The following NOD1 variants were observed in gnomAD, a reference collection of about 807,000 sequenced individuals.
NOD1 encodes nucleotide binding oligomerization domain containing 1, also known as nucleotide-binding oligomerization domain-containing protein 1.
Under a neutral mutation model 81.2 loss-of-function variants are expected in NOD1, and 70 were observed. The observed-to-expected ratio is 0.86, with a 90% CI of 0.71 to 1.05. NOD1 has a LOEUF of 1.05. Among genes scored for constraint, NOD1 ranks in the 50% least tolerant of loss-of-function variants. The probability of loss-of-function intolerance (pLI) is 0.00; values close to 1 mark genes in which losing one functional copy is unlikely to be tolerated. For missense variants in NOD1, 1,233 were observed against 1,228.0 expected, an observed-to-expected ratio of 1.00 and a Z score of -0.06; for synonymous variants, 508 against 526.9, an observed-to-expected ratio of 0.96 and a Z score of 0.49.
intron 1 of NOD1, among the ~76,000 whole-genome samples, chr7:30,472,640 T>C (rs1195761756): frequency 1.3e-5 from 2 of 152,168 alleles, no homozygotes; most frequent in African/African-American, 2.4e-5. Flanking sequence ...GGGAGGTGAA[T>C]AGGTTTAAAT....
intron 1 of NOD1, among the ~76,000 whole-genome samples, chr7:30,473,070 C>T (rs919782132): frequency 6.6e-6 from 1 of 152,228 alleles, no homozygotes; most frequent in Non-Finnish European, 1.5e-5. Context: ...CAGCCTTCCA[C>T]ACCAGGGTAG....
At chr7:30,470,047 A>T (rs1788103826) in intron 1 of NOD1, among the ~76,000 whole-genome samples, 1 of 152,176 alleles carries the variant, frequency 6.6e-6, no homozygotes, top group Non-Finnish European at 1.5e-5. Flanking sequence ...TTGTGTCCTA[A>T]GTTGATTATT....
At chr7:30,473,546 A>T (rs1030793417) in intron 1 of NOD1, among the ~76,000 whole-genome samples, 4 of 152,190 alleles carry the variant, frequency 2.6e-5, no homozygotes, top group Non-Finnish European at 5.9e-5. Context: ...CAATATCGGT[A>T]TCAGATTTTT....
chr7:30,467,433 G>A lies in NOD1; in HGVS notation c.-351-7392C>T, dbSNP rs1037155290. Among the ~76,000 whole-genome samples the A allele has an allele frequency of 2.0e-5, 3 of 152,114 alleles. No homozygotes were observed. The highest frequency in any genetic ancestry group is 7.2e-5 in the African/African-American group (3 of 41,410). On this transcript the variant is annotated intron_variant, in intron 1 of 13. Transcript: ENST00000222823. The surrounding 1 kb of genome is among the most constrained non-coding windows in gnomAD (Gnocchi z 4.5). ...TTAGGGCATCTCAGGACATCTTGAG[G>A]CAGGCCAGCACAACATTCTCAGCGA...
intron 1 of NOD1, chr7:30,469,071 T>C (rs1174255308): frequency 1.0e-6 from 1 of 985,396 alleles, no homozygotes; most frequent in South Asian, 4.7e-5. Context: ...TCAAATGGTG[T>C]CCTACTTTTC....
chr7:30,474,846 C>T (rs1215345644), intron 1 of NOD1, among the ~76,000 whole-genome samples: 2 of 152,198 alleles, frequency 1.3e-5, no homozygotes, highest in Non-Finnish European at 2.9e-5. Flanking sequence ...ACTTTATAGA[C>T]CCAACATCTC....
rs1381940043 is a variant in NOD1, at chr7:30,424,663, A to C, written c.*975T>G. 1 of 152,210 alleles carries C rather than the reference A, an allele frequency of 6.6e-6. No homozygotes were observed. Among genetic ancestry groups the C allele is most frequent in the Non-Finnish European group, 1.5e-5 (1 of 68,098 alleles). 9.4% of individuals were successfully genotyped at this position (152,210 alleles called of 1,614,324 possible). ...GGTGTCCAACATGCTCTGCTGGCCC[A>C]GTTCCCAGCCGATCCCCTGAGTCTT... On this transcript the variant is annotated 3_prime_UTR_variant, in exon 14 of 14. Transcript: ENST00000222823.
In NOD1 at chr7:30,451,766, C is replaced by T; in HGVS notation, c.1651G>A (p.Ala551Thr). ...LRFFQEWMPPAGAATTSCYPP... is the reference protein window; with the variant it reads ...LRFFQEWMPPTGAATTSCYPP... ...TAGCAGGACGTGGTCGCTGCCCCCG[C>T]AGGGGGCATCCACTCCTGGAAGAAC... The change falls in exon 6 of 14, where the codon GCG (alanine) becomes ACG (threonine). Residue 551 changes from alanine (A) to threonine (T), a missense_variant. Ala to Thr is a moderately conservative substitution (Grantham distance 58). Coordinates refer to ENST00000222823, the MANE Select transcript of NOD1 (RefSeq NM_006092.4). The surrounding 1 kb of genome is among the most constrained non-coding windows in gnomAD (Gnocchi z 4.2). 5 of 1,613,540 alleles carry T rather than the reference C, an allele frequency of 3.1e-6. No homozygotes were observed. The highest frequency in any genetic ancestry group is 2.2e-5 in the East Asian group (1 of 44,866).
chr7:30,429,227 T>C (rs1783728229), intron 13 of NOD1, 147 bp downstream of exon 13: 4 of 736,518 alleles, frequency 5.4e-6, no homozygotes, highest in Admixed American at 2.0e-5. Flanking sequence ...GGCCTCTGTC[T>C]ACCTCTGTAA....
Position 30,478,369 on chromosome 7 carries a change from C to A in NOD1, c.-352+237G>T, listed in dbSNP as rs1021582517. The stretch of plus-strand genomic sequence containing the variant: ...AAGCTGCTGGCACGATTGAGAACCC[C>A]TGCGTTCGACCACAGTGGGATAAAC... On this transcript the variant is annotated intron_variant, in intron 1 of 13. Coordinates refer to ENST00000222823, the MANE Select transcript of NOD1 (RefSeq NM_006092.4). The surrounding 1 kb of genome is among the most constrained non-coding windows in gnomAD (Gnocchi z 4.1). Among the ~76,000 whole-genome samples the A allele has an allele frequency of 2.6e-5, 4 of 152,208 alleles. No individual in the cohort carries two copies. The highest frequency in any genetic ancestry group is 7.2e-5 in the African/African-American group (3 of 41,444).
chr7:30,425,972 G>A (rs1783413356), intron 13 of NOD1, among the ~76,000 whole-genome samples: 1 of 152,092 alleles, frequency 6.6e-6, no homozygotes, highest in South Asian at 2.1e-4. Context: ...TCCAGGTCTT[G>A]TCTTTCTTGG....
chr7:30,460,099 T>A, intron 1 of NOD1, 58 bp from the exon 2 acceptor site: 1 of 314,406 alleles, frequency 3.2e-6, no homozygotes, highest in Non-Finnish European at 4.6e-6. Flanking sequence ...CTTTATAATG[T>A]CCAGAGCCCT....
Position 30,453,051 on chromosome 7 carries a change from G to A in NOD1, c.377-11C>T. 1.3e-6 allele frequency: 2 copies of A among 1,591,084 alleles called. No individual in the cohort carries two copies. The highest frequency in any genetic ancestry group is 2.3e-5 in the South Asian group (2 of 87,692). On this transcript the variant is annotated splice_polypyrimidine_tract_variant and intron_variant, in intron 5 of 13. Coordinates refer to ENST00000222823, the MANE Select transcript of NOD1 (RefSeq NM_006092.4). ...GGGTATACCTGCTCACTGGAGGGAGGGGGTGGCAGGGCACAGCAGCAGGGT... is the reference window on the plus strand; with the variant it reads ...GGGTATACCTGCTCACTGGAGGGAGAGGGTGGCAGGGCACAGCAGCAGGGT...
chr7:30,451,145 T>A lies in NOD1; in HGVS notation c.2201+71A>T, dbSNP rs1049135973. On this transcript the variant is annotated intron_variant, in intron 6 of 13. Coordinates refer to ENST00000222823, the MANE Select transcript of NOD1 (RefSeq NM_006092.4). This position sits in a 1 kb window ranked among gnomAD's most constrained non-coding sequence, Gnocchi z 4.2. ...AGTCCTGGGGGATCCTGGTCCATGA[T>A]GCCATTCCCGATGCCCTCCGAGCCT... 1.3e-6 allele frequency: 2 copies of A among 1,521,624 alleles called. No individual in the cohort carries two copies. The highest frequency in any genetic ancestry group is 2.7e-5 in the African/African-American group (2 of 73,156). The allele number at this position is 1,521,624 out of a possible 1,614,324, so 94.3% of individuals were successfully genotyped here. A position where few individuals can be genotyped will look rare whatever the true frequency, so the allele number is the denominator to read the frequency against.
In NOD1 at chr7:30,452,240, A is replaced by G. The variant is rs1785816407; in HGVS notation, c.1177T>C (p.Phe393Leu). 2 of 1,613,648 alleles carry G rather than the reference A, an allele frequency of 1.2e-6. No individual in the cohort carries two copies. Among genetic ancestry groups the G allele is most frequent in the Non-Finnish European group, 8.5e-7 (1 of 1,179,986 alleles). The change falls in exon 6 of 14, where the codon TTC (phenylalanine) becomes CTC (leucine). Residue 393 changes from phenylalanine to leucine, a missense_variant. Transcript: ENST00000222823. ...NLCSLCSVPL[F>L]CWIIFRCFQH... ...AAGCACCGGAAGATGATCCAGCAGA[A>G]GAGGGGCACAGAGCACAGGCTGCAG...
intron 12 of NOD1, among the ~76,000 whole-genome samples, chr7:30,430,892 G>A (rs1399507679): frequency 6.6e-6 from 1 of 152,266 alleles, no homozygotes; most frequent in Non-Finnish European, 1.5e-5. Flanking sequence ...TTCAATGGCA[G>A]AGGTAATGAC....
At chr7:30,463,788 A>T (rs1224349795) in intron 1 of NOD1, 1 of 152,530 alleles carries the variant, frequency 6.6e-6, no homozygotes, top group Non-Finnish European at 1.5e-5. Flanking sequence ...AGTATAAAAC[A>T]ATACCTGCTC....
At chr7:30,448,571 A>G (rs1364828618) in intron 6 of NOD1, among the ~76,000 whole-genome samples, 190 bp from the exon 7 acceptor site, 4 of 152,216 alleles carry the variant, frequency 2.6e-5, no homozygotes, top group East Asian at 1.9e-4. Flanking sequence ...CGCCAGACCC[A>G]TCCTGCACCA....
At chr7:30,448,044 C>G in intron 7 of NOD1, 1 of 481,650 alleles carries the variant, frequency 2.1e-6, no homozygotes, top group Non-Finnish European at 3.7e-6. Flanking sequence ...CTCGTTGCAT[C>G]CCCCAATAAC....
Sources: gnomAD v4.1 joint callset for allele counts (sites outside exome capture counted in the v4.1 genomes callset) on GRCh38, gnomAD v4.1.1 for gene constraint, Gnocchi (gnomAD v3.1) non-coding constraint, MANE v1.5 for transcripts, NCBI Gene and HGNC (gene_info 2026-07-23, HGNC 2026-07-21) for gene names.